TUSC3: variants seen among roughly 807,000 people sequenced by gnomAD.
TUSC3 encodes the protein tumor suppressor candidate 3.
In TUSC3, 45 loss-of-function variants were observed where a neutral mutation model predicts 44.8. That is an observed-to-expected ratio of 1.00 (90% CI 0.79 to 1.29). The LOEUF (loss-of-function observed/expected upper bound fraction) is 1.29, where lower values mean the gene tolerates loss of function less well. TUSC3 is among the 50% of genes most tolerant of loss of function. The pLI is 0.00. For synonymous variants in TUSC3, 212 were observed against 152.9 expected, an observed-to-expected ratio of 1.39 and a Z score of -2.85; for missense variants, 519 against 437.9, an observed-to-expected ratio of 1.19 and a Z score of -1.65.
chr8:15,850,176 G>A, the TUSC3 span, among the ~76,000 whole-genome samples: 2 of 149,840 alleles, frequency 1.3e-5, no homozygotes, highest in South Asian at 4.2e-4. Context: ...AGTATAACCT[G>A]CCTTTCCCAA....
chr8:15,567,707 A>T (rs964142455), intron 1 of TUSC3, among the ~76,000 whole-genome samples: 1 of 152,194 alleles, frequency 6.6e-6, no homozygotes, highest in Non-Finnish European at 1.5e-5. Flanking sequence ...ATGAGGATGG[A>T]TGTCTACATA....
chr8:15,844,299 A>G, the TUSC3 span, among the ~76,000 whole-genome samples: 4 of 152,212 alleles, frequency 2.6e-5, no homozygotes, highest in African/African-American at 7.2e-5. Flanking sequence ...ACAGATATTT[A>G]TCCAGCATTT....
the TUSC3 span, among the ~76,000 whole-genome samples, chr8:15,796,093 G>T: frequency 6.6e-6 from 1 of 151,998 alleles, no homozygotes; most frequent in Non-Finnish European, 1.5e-5. Context: ...TCCCAGGTCT[G>T]GCTTGCATGG....
At chr8:15,706,480 A>G (rs1031986651) in intron 6 of TUSC3, among the ~76,000 whole-genome samples, 4 of 152,002 alleles carry the variant, frequency 2.6e-5, no homozygotes, top group African/African-American at 9.7e-5. Context: ...AACTTTTCAC[A>G]TGACTTTGCT....
chr8:15,819,027 C>T, the TUSC3 span, among the ~76,000 whole-genome samples: 3 of 151,966 alleles, frequency 2.0e-5, no homozygotes, highest in Non-Finnish European at 4.4e-5. Flanking sequence ...AGTTTGAGAC[C>T]AGCCTGGGCA....
intron 1 of TUSC3, among the ~76,000 whole-genome samples, chr8:15,428,975 T>C (rs1222921562): frequency 1.3e-5 from 2 of 152,226 alleles, no homozygotes; most frequent in South Asian, 2.1e-4. Context: ...TTTAGTTTAA[T>C]TACATCCCAT....
chr8:15,640,451 G>T lies in TUSC3; in HGVS notation c.309-10246G>T, dbSNP rs28479693. ...TCTTCTTAGTGAATCACCAAACGTG[G>T]TGATGGTACTGGGGACGCCCAACAC... is the stretch of plus-strand genomic sequence containing the variant. On this transcript the variant is annotated intron_variant, in intron 2 of 10. Coordinates refer to ENST00000503731, the MANE Select transcript of TUSC3 (RefSeq NM_006765.4). Among the ~76,000 whole-genome samples the T allele has an allele frequency of 2.8e-3, 429 of 152,306 alleles. 5 individuals carry two copies. Among genetic ancestry groups the T allele is most frequent in the African/African-American group, 1.0e-2 (414 of 41,570 alleles).
chr8:15,767,933 G>C (rs763952648), downstream of TUSC3, among the ~76,000 whole-genome samples: 5 of 152,166 alleles, frequency 3.3e-5, no homozygotes, highest in Non-Finnish European at 7.4e-5. Flanking sequence ...AATGCTACAT[G>C]TAACAGGGAC....
At chr8:15,551,899 T>C (rs1802074176) in intron 1 of TUSC3, among the ~76,000 whole-genome samples, 1 of 151,756 alleles carries the variant, frequency 6.6e-6, no homozygotes, top group South Asian at 2.1e-4. Flanking sequence ...TAATCTTTGT[T>C]TTTGGATTTT....
intron 1 of TUSC3, among the ~76,000 whole-genome samples, chr8:15,567,141 G>C (rs1257970790): frequency 6.6e-6 from 1 of 152,068 alleles, no homozygotes; most frequent in East Asian, 1.9e-4. Flanking sequence ...AATTAGACTT[G>C]AGCCAGATCC....
intron 1 of TUSC3, among the ~76,000 whole-genome samples, chr8:15,459,869 TGTGTGTATAC>T (rs1192233568): frequency 2.1e-4 from 31 of 147,650 alleles, no homozygotes; most frequent in African/African-American, 8.2e-4. Context: ...TGTGTGTGTG[TGTGTGTATAC>T]ATACATACAT....
chr8:15,609,854 T>G (rs368048418), intron 1 of TUSC3, among the ~76,000 whole-genome samples: 13 of 152,206 alleles, frequency 8.5e-5, no homozygotes, highest in African/African-American at 3.1e-4. Context: ...TTATGACCTA[T>G]CTTTATCAAT....
chr8:15,751,545 A>G (rs1033526022), intron 9 of TUSC3, among the ~76,000 whole-genome samples: 3 of 152,120 alleles, frequency 2.0e-5, no homozygotes, highest in African/African-American at 7.2e-5. Context: ...TTCATCCCCC[A>G]GTATAGGGGC....
At chr8:15,530,699 A>T (rs527440317) in intron 2 of TUSC3, among the ~76,000 whole-genome samples, 65 of 152,342 alleles carry the variant, frequency 4.3e-4, no homozygotes, top group African/African-American at 1.5e-3. Flanking sequence ...CATATTTTCA[A>T]TGTAATAGTA....
rs143129012 is a variant in TUSC3 at position 15,613,654 on chromosome 8, A to C, written c.139-9426A>C. 1.5e-3 allele frequency among the ~76,000 whole-genome samples: 222 copies of C among 152,290 alleles called. 3 individuals carry two copies. Among genetic ancestry groups the C allele is most frequent in the Admixed American group, 3.3e-3 (50 of 15,294 alleles). ...TCCATTGAACCTCTTTCCTTTATAA[A>C]TTACCCAGTCTCGGGTATGTCTTTA... On this transcript the variant is annotated intron_variant, in intron 1 of 10. Coordinates refer to ENST00000503731, the MANE Select transcript of TUSC3 (RefSeq NM_006765.4).
intron 6 of TUSC3, among the ~76,000 whole-genome samples, chr8:15,705,828 C>A (rs907581536): frequency 6.6e-6 from 1 of 151,992 alleles, no homozygotes; most frequent in African/African-American, 2.4e-5. Context: ...TGGTTCTCAT[C>A]CCCTCCTTCA....
At chr8:15,599,631 T>C (rs1044834680) in intron 1 of TUSC3, among the ~76,000 whole-genome samples, 1 of 151,646 alleles carries the variant, frequency 6.6e-6, no homozygotes, top group African/African-American at 2.4e-5. Context: ...ATTCATTTTT[T>C]TGCATGTAGA....
chr8:15,698,683 T>TTC (rs1261699000), intron 6 of TUSC3, among the ~76,000 whole-genome samples: 2 of 152,212 alleles, frequency 1.3e-5, no homozygotes, highest in Non-Finnish European at 2.9e-5. Context: ...TTCTGTGCCA[T>TTC]TCTCTCATTA....
chr8:15,537,237 C>A (rs866029888), upstream of TUSC3, among the ~76,000 whole-genome samples: 3 of 152,152 alleles, frequency 2.0e-5, no homozygotes, highest in Non-Finnish European at 2.9e-5. Flanking sequence ...TTCCACTGAT[C>A]CCAGGTTTTC....
Sources: allele counts gnomAD v4.1 joint callset (sites outside exome capture counted in the v4.1 genomes callset), GRCh38; gene constraint gnomAD v4.1.1; transcripts MANE v1.5; gene names NCBI Gene and HGNC (gene_info 2026-07-23, HGNC 2026-07-21).